The following STAT5A variants were observed in gnomAD, a reference collection of about 807,000 sequenced individuals.
STAT5A encodes epididymis secretory sperm binding protein.
Under a neutral mutation model 100.2 loss-of-function variants are expected in STAT5A, and 26 were observed. The observed-to-expected ratio is 0.26, with a 90% CI of 0.19 to 0.36. The LOEUF is 0.36. Ranked by LOEUF, STAT5A falls within the 10% of genes least tolerant of loss-of-function variation. STAT5A has a pLI of 1.00. For synonymous variants in STAT5A, 330 were observed against 424.3 expected, an observed-to-expected ratio of 0.78 and a Z score of 2.73; for missense variants, 634 against 1,027.5, an observed-to-expected ratio of 0.62 and a Z score of 5.24.
In STAT5A at chr17:42,311,275, C is replaced by A. The variant is rs893588382; in HGVS notation, c.*606C>A. ...ACTCTCTGTGAACCCTATGAGAGCGCGTCTGGGCCCGGCCATGTCCTTAGC... is the reference window on the plus strand; with the variant it reads ...ACTCTCTGTGAACCCTATGAGAGCGAGTCTGGGCCCGGCCATGTCCTTAGC... On this transcript the variant is annotated 3_prime_UTR_variant, in exon 19 of 19. Coordinates refer to ENST00000590949, the MANE Select transcript of STAT5A (RefSeq NM_001288718.2). 1.3e-5 allele frequency: 2 copies of A among 155,010 alleles called. No homozygotes were observed. The highest frequency in any genetic ancestry group is 4.8e-5 in the African/African-American group (2 of 41,456). The allele number at this position is 155,010 out of a possible 1,614,324, so 9.6% of individuals were successfully genotyped here. A position where few individuals can be genotyped will look rare whatever the true frequency, so the allele number is the denominator to read the frequency against.
intron 5 of STAT5A, among the ~76,000 whole-genome samples, chr17:42,298,548 T>G (rs1317848483): frequency 6.7e-6 from 1 of 149,064 alleles, no homozygotes; most frequent in Non-Finnish European, 1.5e-5. Flanking sequence ...CTCGGCTCAC[T>G]GCAAGCTCCA....
At chr17:42,297,542 G>T (rs1166547296) in intron 5 of STAT5A, among the ~76,000 whole-genome samples, 1 of 151,776 alleles carries the variant, frequency 6.6e-6, no homozygotes, top group Non-Finnish European at 1.5e-5. Context: ...TGCCAGGGAA[G>T]GCTCAGCTGC....
chr17:42,308,171 T>G lies in STAT5A; in HGVS notation c.1907-7T>G, dbSNP rs1305540088. On this transcript the variant is annotated splice_region_variant and splice_polypyrimidine_tract_variant and intron_variant, in intron 15 of 18. Coordinates refer to ENST00000590949, the MANE Select transcript of STAT5A (RefSeq NM_001288718.2). This position sits in a 1 kb window ranked among gnomAD's most constrained non-coding sequence, Gnocchi z 4.6. ...GGATTATGGGAATGAGGCTGTTCTT[T>G]TCACAGCGGAACGCAACCTGTGGAA... 1 of 1,613,630 alleles carries G rather than the reference T, an allele frequency of 6.2e-7. No homozygotes were observed. The highest frequency in any genetic ancestry group is 8.5e-7 in the Non-Finnish European group (1 of 1,179,684).
Position 42,300,736 on chromosome 17 carries a change from C to T in STAT5A, c.855C>T (p.Ile285=), listed in dbSNP as rs1451175618. ...GCAGGTGTGAGAAGTTGGCCGAGATCATCTGGCAGAACCGGCAGCAGATCC... is the reference window on the plus strand; with the variant it reads ...GCAGGTGTGAGAAGTTGGCCGAGATTATCTGGCAGAACCGGCAGCAGATCC... ...LQSWCEKLAE[I]IWQNRQQIRR... is the part of the protein sequence containing the mutation. The change falls in exon 8 of 19, where the codon ATC becomes ATT. Residue 285 remains isoleucine, a synonymous_variant. Coordinates refer to ENST00000590949, the MANE Select transcript of STAT5A (RefSeq NM_001288718.2). 1.9e-6 allele frequency: 3 copies of T among 1,613,702 alleles called. No homozygotes were observed. The South Asian group carries it at 3.3e-5, about 18-fold the overall frequency.
chr17:42,298,776 T>A (rs1220450149), intron 5 of STAT5A, among the ~76,000 whole-genome samples: 1 of 152,208 alleles, frequency 6.6e-6, no homozygotes, highest in Non-Finnish European at 1.5e-5. Flanking sequence ...CGTGAGCCAC[T>A]GCGCCCAGCC....
At chr17:42,295,105 G>A (rs1598356533) in intron 4 of STAT5A, among the ~76,000 whole-genome samples, 1 of 152,054 alleles carries the variant, frequency 6.6e-6, no homozygotes, top group Non-Finnish European at 1.5e-5. Context: ...TGAGAGTTTC[G>A]GCCTCTTCCC....
chr17:42,289,136 C>G (rs917053617), intron 1 of STAT5A: 6 of 360,952 alleles, frequency 1.7e-5, no homozygotes, highest in African/African-American at 6.3e-5. Context: ...TAGGGAAGCT[C>G]CGGTGGGGCG....
intron 5 of STAT5A, among the ~76,000 whole-genome samples, chr17:42,298,542 G>C (rs186183300): frequency 5.3e-4 from 80 of 150,030 alleles, no homozygotes; most frequent in African/African-American, 1.9e-3. Context: ...CCCAATCTCG[G>C]CTCACTGCAA....
In STAT5A at chr17:42,304,252, C is replaced by A. The variant is rs1598363789; in HGVS notation, c.1170-90C>A. 7.8e-7 allele frequency: 1 copy of A among 1,286,508 alleles called. No homozygotes were observed. Among genetic ancestry groups the A allele is most frequent in the Non-Finnish European group, 1.1e-6 (1 of 896,946 alleles). The allele number at this position is 1,286,508 out of a possible 1,614,324, so 79.7% of individuals were successfully genotyped here. ...GGGCAGGGGCTGCTGGCAGGGCTGACCTGAGCGAAGACCCCAGCCCGAGGT... is the reference window on the plus strand; with the variant it reads ...GGGCAGGGGCTGCTGGCAGGGCTGAACTGAGCGAAGACCCCAGCCCGAGGT... On this transcript the variant is annotated intron_variant, in intron 9 of 18. Coordinates refer to ENST00000590949, the MANE Select transcript of STAT5A (RefSeq NM_001288718.2). The surrounding 1 kb of genome is among the most constrained non-coding windows in gnomAD (Gnocchi z 4.8).
chr17:42,290,008 G>T lies in STAT5A; in HGVS notation c.271G>T (p.Ala91Ser). The change falls in exon 3 of 19, where the codon GCC becomes TCC. Residue 91 changes from alanine (A) to serine (S), a missense_variant. Around this residue, in one of 5 missense-constraint regions of STAT5A, gnomAD observed 207 missense variants for 256.6 expected, o/e 0.81. Transcript: ENST00000590949. ...ACTGAAGATCAAGCTGGGGCACTACGCCACGCAGCTCCAGGTGGGTGTAGG... is the reference window on the plus strand; with the variant it reads ...ACTGAAGATCAAGCTGGGGCACTACTCCACGCAGCTCCAGGTGGGTGTAGG... ...FLLKIKLGHY[A>S]TQLQKTYDRC... The T allele has an allele frequency of 6.2e-7, 1 of 1,612,658 alleles. No individual in the cohort carries two copies. Among genetic ancestry groups the T allele is most frequent in the Non-Finnish European group, 8.5e-7 (1 of 1,179,484 alleles).
chr17:42,300,335 G>A (rs1159068589), intron 7 of STAT5A, 54 bp downstream of exon 7: 46 of 1,585,074 alleles, frequency 2.9e-5, no homozygotes, highest in African/African-American at 5.4e-5. Flanking sequence ...TGGGGACCCC[G>A]GCTGCTTCTG....
At chr17:42,309,138 T>C (rs1567695083) in intron 17 of STAT5A, 40 bp downstream of exon 17, 14 of 1,612,794 alleles carry the variant, frequency 8.7e-6, no homozygotes, top group Non-Finnish European at 1.2e-5. Context: ...TCTGCCTCTT[T>C]CCTCCTCCCC....
rs2081084514 is a variant in STAT5A, at chr17:42,311,712, T to G, written c.*1043T>G. On this transcript the variant is annotated 3_prime_UTR_variant, in exon 19 of 19. Transcript: ENST00000590949. ...GTGGGGCCTGGAGCAGGCCTTGCGC[T>G]GTTGCGTAACTGGCTGTGTTCTGGT... is the stretch of plus-strand genomic sequence containing the variant. The G allele has an allele frequency of 6.6e-6, 1 of 152,660 alleles. No homozygotes were observed. The highest frequency in any genetic ancestry group is 1.5e-5 in the Non-Finnish European group (1 of 68,132). The allele number at this position is 152,660 out of a possible 1,614,324, so 9.5% of individuals were successfully genotyped here.
rs2081046809 is a variant in STAT5A, at chr17:42,308,053, C to G, written c.1907-125C>G. The stretch of plus-strand genomic sequence containing the variant: ...CCGCATCGGCTTTCTTCCCTACAGG[C>G]TGGGGCTGCAGCGCAAGCTACTATA... On this transcript the variant is annotated intron_variant, in intron 15 of 18. Coordinates refer to ENST00000590949, the MANE Select transcript of STAT5A (RefSeq NM_001288718.2). The surrounding 1 kb of genome is among the most constrained non-coding windows in gnomAD (Gnocchi z 4.6). 7.6e-7 allele frequency: 1 copy of G among 1,322,026 alleles called. No individual in the cohort carries two copies. Among genetic ancestry groups the G allele is most frequent in the Non-Finnish European group, 1.0e-6 (1 of 967,596 alleles). The allele number at this position is 1,322,026 out of a possible 1,614,324, so 81.9% of individuals were successfully genotyped here.
chr17:42,308,902 T>G lies in STAT5A; in HGVS notation c.2063-145T>G. ...CTCAGGCAGGATTCATCAGCTGGTG[T>G]TTATTGGGGGTCCTTGGGAAATCTC... On this transcript the variant is annotated intron_variant, in intron 16 of 18. Coordinates refer to ENST00000590949, the MANE Select transcript of STAT5A (RefSeq NM_001288718.2). The surrounding 1 kb of genome is among the most constrained non-coding windows in gnomAD (Gnocchi z 4.6). The G allele has an allele frequency of 2.0e-6, 2 of 990,502 alleles. No individual in the cohort carries two copies. Among genetic ancestry groups the G allele is most frequent in the Non-Finnish European group, 3.1e-6 (2 of 641,686 alleles). 61.4% of individuals were successfully genotyped at this position (990,502 alleles called of 1,614,324 possible).
At chr17:42,303,828 G>T (rs9906989) in intron 9 of STAT5A, among the ~76,000 whole-genome samples, 26,130 of 152,108 alleles carry the variant, frequency 0.17, 2,490 homozygotes, top group East Asian at 0.35. Flanking sequence ...GCCTTTCTGG[G>T]GAGCTATCTG....
chr17:42,292,630 T>G (rs115837372), intron 4 of STAT5A, among the ~76,000 whole-genome samples: 3,319 of 144,996 alleles, frequency 0.023, 114 homozygotes, highest in African/African-American at 0.082. Context: ...TGGCGCCTAC[T>G]GTTTTTTCCC....
At chr17:42,299,366 G>A (rs1300834598) in intron 5 of STAT5A, among the ~76,000 whole-genome samples, 2 of 152,224 alleles carry the variant, frequency 1.3e-5, no homozygotes, top group Admixed American at 6.5e-5. Flanking sequence ...AAAGGAAAGC[G>A]ATTTGCCCAG....
upstream of STAT5A, chr17:42,287,533 G>C (rs1226350599): frequency 2.0e-5 from 3 of 152,540 alleles, no homozygotes; most frequent in African/African-American, 7.2e-5. Context: ...CTTGGAGAGG[G>C]GGACTGAGGC....
Sources: gnomAD v4.1 joint callset for allele counts (sites outside exome capture counted in the v4.1 genomes callset) on GRCh38, gnomAD v4.1.1 for gene constraint, gnomAD v4.1.1 regional missense constraint, Gnocchi (gnomAD v3.1) non-coding constraint, MANE v1.5 for transcripts, NCBI Gene and HGNC (gene_info 2026-07-23, HGNC 2026-07-21) for gene names.